The following C2CD2 variants were observed in gnomAD, a reference collection of about 807,000 sequenced individuals.
The protein encoded by C2CD2 is C2 domain-containing protein 2.
Under a neutral mutation model 74.3 loss-of-function variants are expected in C2CD2, and 43 were observed. The observed-to-expected ratio is 0.58, with a 90% confidence interval of 0.45 to 0.75. C2CD2 has a LOEUF of 0.75. C2CD2 is among the 30% of genes least tolerant of loss of function. The pLI, the probability that C2CD2 is intolerant of heterozygous loss-of-function variation, is 0.00. For synonymous variants in C2CD2, 422 were observed against 390.7 expected (o/e 1.08, Z -0.94); for missense variants, 801 against 916.3 (o/e 0.87, Z 1.63).
At chr21:41,906,627 A>ATTTT (rs2064965310) in intron 10 of C2CD2, among the ~76,000 whole-genome samples, 1 of 152,222 alleles carries the variant, frequency 6.6e-6, no homozygotes, top group African/African-American at 2.4e-5. Context: ...GGCTTCCCAA[A>ATTTT]GTGCTGGGAT....
At chr21:41,914,517 T>A (rs942539022) in intron 6 of C2CD2, 81 bp downstream of exon 6, 1 of 1,314,718 alleles carries the variant, frequency 7.6e-7, no homozygotes, top group Non-Finnish European at 1.0e-6. Context: ...CACCAGAGAA[T>A]CCAAGGCCCC....
intron 5 of C2CD2, among the ~76,000 whole-genome samples, chr21:41,915,228 T>C (rs1229239947): frequency 6.6e-6 from 1 of 152,170 alleles, no homozygotes; most frequent in Non-Finnish European, 1.5e-5. Context: ...GGAAAGTCTA[T>C]GCATACCCTA....
intron 2 of C2CD2, among the ~76,000 whole-genome samples, chr21:41,934,150 A>C (rs2065286689): frequency 6.6e-6 from 1 of 152,186 alleles, no homozygotes; most frequent in Non-Finnish European, 1.5e-5. Context: ...CACTTTCACC[A>C]GGTGAGGTGG....
chr21:41,953,529 C>T lies in C2CD2; in HGVS notation c.120G>A (p.Arg40=), dbSNP rs2065468374. The T allele has an allele frequency of 1.4e-6, 2 of 1,478,218 alleles. No homozygotes were observed. Among genetic ancestry groups the T allele is most frequent in the South Asian group, 1.3e-5 (1 of 76,184 alleles). 91.6% of individuals were successfully genotyped at this position (1,478,218 alleles called of 1,614,324 possible). ...CCCGCCGCTGGGGCTGGGGTCGCGC[C>T]CTGGCCAGCGCCCACTGCGCCAGGT... The part of the protein sequence containing the change: ...GLYLAQWALA[R]ARPQPQRRAV... The change falls in exon 1 of 14, where the codon AGG becomes AGA. Residue 40 remains arginine (R), a synonymous_variant. Transcript: ENST00000380486.
chr21:41,943,872 C>T (rs946520686), intron 1 of C2CD2, among the ~76,000 whole-genome samples: 1 of 152,182 alleles, frequency 6.6e-6, no homozygotes, highest in African/African-American at 2.4e-5. Flanking sequence ...GGGCTGAAAT[C>T]ACAGTTTCAG....
chr21:41,899,840 A>C lies in C2CD2; in HGVS notation c.1561-478T>G, dbSNP rs2064871911. ...AATTATATTTTGTGTAAAAATATTT[A>C]AGCACTAAATGAACCTCTGAGAGTC... On this transcript the variant is annotated intron_variant, in intron 12 of 13. Coordinates refer to ENST00000380486, the MANE Select transcript of C2CD2 (RefSeq NM_015500.2). The surrounding 1 kb of genome is among the most constrained non-coding windows in gnomAD (Gnocchi z 4.4). Among the ~76,000 whole-genome samples, 1 of 152,002 alleles carries C rather than the reference A, an allele frequency of 6.6e-6. No homozygotes were observed. The highest frequency in any genetic ancestry group is 2.4e-5 in the African/African-American group (1 of 41,358).
intron 3 of C2CD2, among the ~76,000 whole-genome samples, chr21:41,921,199 C>T (rs992545828): frequency 1.3e-5 from 2 of 152,222 alleles, no homozygotes; most frequent in Non-Finnish European, 2.9e-5. Flanking sequence ...GAGCTCATCC[C>T]CCAAATTAGG....
intron 2 of C2CD2, among the ~76,000 whole-genome samples, chr21:41,931,057 T>G (rs1320671498): frequency 6.6e-6 from 1 of 150,520 alleles, no homozygotes; most frequent in Non-Finnish European, 1.5e-5. Flanking sequence ...TAGAAACTTG[T>G]TACTCTTGTG....
At chr21:41,915,533 T>TGCA (rs2065079999) in intron 5 of C2CD2, among the ~76,000 whole-genome samples, 1 of 151,946 alleles carries the variant, frequency 6.6e-6, no homozygotes, top group African/African-American at 2.4e-5. Flanking sequence ...GCCTCCTGGG[T>TGCA]GCAAGCGATT....
chr21:41,928,021 G>A (rs969885489), intron 2 of C2CD2, among the ~76,000 whole-genome samples: 21 of 152,154 alleles, frequency 1.4e-4, no homozygotes, highest in African/African-American at 4.8e-4. Context: ...TGCATCACAC[G>A]GTTTAATGTG....
At chr21:41,889,509 C>T (rs962190088) in intron 13 of C2CD2, among the ~76,000 whole-genome samples, 165 bp from the exon 14 acceptor site, 1 of 152,178 alleles carries the variant, frequency 6.6e-6, no homozygotes, top group East Asian at 1.9e-4. Flanking sequence ...TAACTGGAAT[C>T]TGGCTTGTAC....
chr21:41,910,062 G>A (rs1333511141), intron 7 of C2CD2, among the ~76,000 whole-genome samples: 2 of 150,266 alleles, frequency 1.3e-5, no homozygotes, highest in African/African-American at 4.9e-5. Flanking sequence ...TCGAACTCCT[G>A]AGCTCAAGCC....
intron 5 of C2CD2, among the ~76,000 whole-genome samples, chr21:41,917,288 A>G (rs923634742): frequency 1.3e-5 from 2 of 152,272 alleles, no homozygotes; most frequent in East Asian, 3.8e-4. Context: ...GACAGACATC[A>G]CACAGGAATT....
At chr21:41,890,564 G>C (rs1473086154) in intron 13 of C2CD2, among the ~76,000 whole-genome samples, 1 of 152,192 alleles carries the variant, frequency 6.6e-6, no homozygotes, top group Non-Finnish European at 1.5e-5. Flanking sequence ...CATTACCGCT[G>C]GCATGTAGGT....
intron 7 of C2CD2, among the ~76,000 whole-genome samples, 182 bp from the exon 8 acceptor site, chr21:41,909,705 A>ACT (rs2065004631): frequency 6.6e-6 from 1 of 152,190 alleles, no homozygotes; most frequent in Non-Finnish European, 1.5e-5. Flanking sequence ...GGAAACAGTT[A>ACT]CTGTTAATAT....
intron 8 of C2CD2, chr21:41,908,551 C>T (rs1005649949): frequency 3.3e-5 from 5 of 150,776 alleles, no homozygotes; most frequent in Admixed American, 2.6e-4. Flanking sequence ...TTAGGCTTCT[C>T]TCTCAGGACT....
chr21:41,939,880 T>G lies in C2CD2; in HGVS notation c.378+2267A>C, dbSNP rs932284484. Among the ~76,000 whole-genome samples, 32 of 152,200 alleles carry G rather than the reference T, an allele frequency of 2.1e-4. No individual in the cohort carries two copies. Among genetic ancestry groups the G allele is most frequent in the African/African-American group, 7.7e-4 (32 of 41,464 alleles). On this transcript the variant is annotated intron_variant, in intron 2 of 13. Coordinates refer to ENST00000380486, the MANE Select transcript of C2CD2 (RefSeq NM_015500.2). The surrounding 1 kb of genome is among the most constrained non-coding windows in gnomAD (Gnocchi z 5.5). ...ACCAGTGACCCGCCAGGCTCATGCCTGCCCTTGGGGTCCTCCGGTGCTTGT... is the reference window on the plus strand; with the variant it reads ...ACCAGTGACCCGCCAGGCTCATGCCGGCCCTTGGGGTCCTCCGGTGCTTGT...
At chr21:41,916,804 A>C (rs2065097121) in intron 5 of C2CD2, among the ~76,000 whole-genome samples, 1 of 152,192 alleles carries the variant, frequency 6.6e-6, no homozygotes, top group Admixed American at 6.5e-5. Context: ...GAAAAGCATG[A>C]TTGAAGTTAT....
intron 13 of C2CD2, 64 bp downstream of exon 13, chr21:41,898,989 A>T (rs1206921400): frequency 8.7e-6 from 11 of 1,266,836 alleles, no homozygotes; most frequent in Non-Finnish European, 1.1e-5. Context: ...TTCAGCTTGG[A>T]AGCCAGCATG....
Sources: gnomAD v4.1 joint callset for allele counts (sites outside exome capture counted in the v4.1 genomes callset) on GRCh38, gnomAD v4.1.1 for gene constraint, Gnocchi (gnomAD v3.1) non-coding constraint, MANE v1.5 for transcripts, NCBI Gene and HGNC (gene_info 2026-07-23, HGNC 2026-07-21) for gene names.